Variants in TACC1 observed in about 807,000 individuals in gnomAD.
TACC1 encodes transforming acidic coiled-coil-containing protein 1.
A neutral mutation model predicts 84.4 loss-of-function variants in TACC1; 48 were observed. That is an observed-to-expected ratio of 0.57 (90% CI 0.45 to 0.72). The LOEUF (loss-of-function observed/expected upper bound fraction) is 0.72. Ranked by LOEUF, TACC1 falls within the 30% of genes least tolerant of loss-of-function variation. The probability of loss-of-function intolerance (pLI) is 0.00; values close to 1 mark genes in which losing one functional copy is unlikely to be tolerated. For synonymous variants in TACC1, 372 were observed against 376.3 expected, an observed-to-expected ratio of 0.99 and a Z score of 0.13; for missense variants, 920 against 973.0, an observed-to-expected ratio of 0.95 and a Z score of 0.72.
intron 3 of TACC1, among the ~76,000 whole-genome samples, chr8:38,777,710 G>T (rs1299781393): frequency 6.6e-6 from 1 of 152,198 alleles, no homozygotes; most frequent in African/African-American, 2.4e-5. Flanking sequence ...TGGGAGGATT[G>T]CTAGAGCCCA....
At chr8:38,760,752 C>A (rs1006698184) in intron 3 of TACC1, among the ~76,000 whole-genome samples, 1 of 152,132 alleles carries the variant, frequency 6.6e-6, no homozygotes. Context: ...GAACTCCTGA[C>A]CTCAAATGAT....
chr8:38,755,049 A>G (rs906691850), intron 3 of TACC1, among the ~76,000 whole-genome samples: 1 of 151,532 alleles, frequency 6.6e-6, no homozygotes, highest in African/African-American at 2.4e-5. Flanking sequence ...AGTCACAGCT[A>G]CTCGGGAGGC....
Position 38,820,183 on chromosome 8 carries a change from G to A in TACC1, c.939G>A (p.Ser313=), listed in dbSNP as rs756771305. The A allele has an allele frequency of 1.2e-6, 2 of 1,613,956 alleles. No individual in the cohort carries two copies. Among genetic ancestry groups the A allele is most frequent in the Non-Finnish European group, 1.7e-6 (2 of 1,180,032 alleles). ...CAGGGGTTGAGCTGGGGGAGGAGTC[G>A]AGGAGCTCACCTCTCAAGCTTGAGT... ...NDSGVELGEE[S]RSSPLKLEFD... Residue 313 remains serine, a synonymous_variant, in exon 3 of 13, where the codon TCG becomes TCA. Transcript: ENST00000317827.
upstream of TACC1, among the ~76,000 whole-genome samples, chr8:38,784,880 T>C (rs997840641): frequency 2.6e-4 from 39 of 152,326 alleles, no homozygotes; most frequent in African/African-American, 9.4e-4. Flanking sequence ...ATGTTATATA[T>C]GGTGTGCTAA....
intron 2 of TACC1, among the ~76,000 whole-genome samples, chr8:38,799,483 C>T (rs1270923485): frequency 3.3e-5 from 5 of 152,162 alleles, no homozygotes; most frequent in South Asian, 4.1e-4. Flanking sequence ...ACCTCTTGGC[C>T]GCCTTGGCAT....
chr8:38,733,112 AC>A (rs1255479385), intron 1 of TACC1, among the ~76,000 whole-genome samples: 1 of 152,074 alleles, frequency 6.6e-6, no homozygotes, highest in Non-Finnish European at 1.5e-5. Context: ...TGCCTTCTTC[AC>A]CTTTCTCTCT....
upstream of TACC1, chr8:38,785,793 G>A (rs1817021267): frequency 1.2e-6 from 1 of 824,144 alleles, no homozygotes; most frequent in Non-Finnish European, 1.5e-6. Context: ...TATTTCACAT[G>A]GACCTCCTGC....
intron 1 of TACC1, among the ~76,000 whole-genome samples, chr8:38,741,869 CA>C (rs1157658149): frequency 1.3e-5 from 2 of 152,006 alleles, no homozygotes; most frequent in Non-Finnish European, 2.9e-5. Context: ...GAAATACGGC[CA>C]GGGCATAAAA....
intron 6 of TACC1, among the ~76,000 whole-genome samples, chr8:38,833,621 A>G (rs10808998): frequency 0.35 from 53,582 of 152,084 alleles, 9,500 homozygotes; most frequent in Non-Finnish European, 0.38. Context: ...TGCCTCTTCC[A>G]GACCCCACAT....
chr8:38,778,790 C>T (rs1041642938), intron 3 of TACC1, among the ~76,000 whole-genome samples: 4 of 152,124 alleles, frequency 2.6e-5, no homozygotes, highest in South Asian at 4.1e-4. Flanking sequence ...TGTCATTTCC[C>T]TCATCAACAT....
rs1450099163 is a variant in TACC1, at chr8:38,850,368, T to C, written c.*2345T>C. ...AGAATATACTGGGCAGAATGAAGTA[T>C]GTTTGTTTATTTTTCTTTAAAAATA... On this transcript the variant is annotated 3_prime_UTR_variant, in exon 13 of 13. Transcript: ENST00000317827. 1 of 152,174 alleles carries C rather than the reference T, an allele frequency of 6.6e-6. No homozygotes were observed. The highest frequency in any genetic ancestry group is 1.5e-5 in the Non-Finnish European group (1 of 68,042). The allele number at this position is 152,174 out of a possible 1,614,324, so 9.4% of individuals were successfully genotyped here. A position where few individuals can be genotyped will look rare whatever the true frequency, so the allele number is the denominator to read the frequency against.
chr8:38,733,033 G>A (rs1805263288), intron 1 of TACC1, among the ~76,000 whole-genome samples: 1 of 152,164 alleles, frequency 6.6e-6, no homozygotes, highest in African/African-American at 2.4e-5. Flanking sequence ...GAGATGCACG[G>A]CATAATTGCA....
intron 3 of TACC1, among the ~76,000 whole-genome samples, chr8:38,752,355 C>T (rs796082810): frequency 1.4e-4 from 21 of 152,208 alleles, no homozygotes; most frequent in Middle Eastern, 3.4e-3. Flanking sequence ...CCTGTAGTCG[C>T]AGCTACTCGG....
intron 1 of TACC1, among the ~76,000 whole-genome samples, chr8:38,732,932 T>C (rs1422521981): frequency 1.3e-5 from 2 of 152,222 alleles, no homozygotes; most frequent in Non-Finnish European, 2.9e-5. Flanking sequence ...ACAAGAGTCA[T>C]AACTCTTGCA....
intron 12 of TACC1, among the ~76,000 whole-genome samples, chr8:38,847,573 G>A (rs767573752): frequency 2.6e-5 from 4 of 152,276 alleles, no homozygotes; most frequent in Non-Finnish European, 4.4e-5. Context: ...CCCCTAGAAC[G>A]GTGCTCCCTG....
chr8:38,851,576 C>A lies in TACC1; in HGVS notation c.*3553C>A, dbSNP rs1833090595. The A allele has an allele frequency of 5.2e-6, 1 of 194,030 alleles. No individual in the cohort carries two copies. Among genetic ancestry groups the A allele is most frequent in the African/African-American group, 2.4e-5 (1 of 42,254 alleles). 12.0% of individuals were successfully genotyped at this position (194,030 alleles called of 1,614,324 possible). On this transcript the variant is annotated 3_prime_UTR_variant, in exon 13 of 13. Coordinates refer to ENST00000317827, the MANE Select transcript of TACC1 (RefSeq NM_006283.3). ...TTAGTGGAGTGAAAGTTCTGAAGCC[C>A]CCTTTTAACTTCCTCTTGGTTTTTC...
chr8:38,811,476 A>G (rs1824124030), intron 2 of TACC1, among the ~76,000 whole-genome samples: 1 of 152,262 alleles, frequency 6.6e-6, no homozygotes, highest in South Asian at 2.1e-4. Flanking sequence ...AGGGACTGGA[A>G]GAACATAAAT....
chr8:38,746,729 G>A (rs1008023301), intron 3 of TACC1, among the ~76,000 whole-genome samples: 42 of 152,242 alleles, frequency 2.8e-4, no homozygotes, highest in African/African-American at 1.0e-3. Flanking sequence ...ACATGAAGAA[G>A]TACATTATCA....
chr8:38,835,299 A>C (rs997981129), intron 6 of TACC1, among the ~76,000 whole-genome samples: 1 of 152,022 alleles, frequency 6.6e-6, no homozygotes, highest in Non-Finnish European at 1.5e-5. Context: ...AGGAATAGCC[A>C]GCAAAAACGT....
Sources: gnomAD v4.1 joint callset for allele counts (sites outside exome capture counted in the v4.1 genomes callset) on GRCh38, gnomAD v4.1.1 for gene constraint, MANE v1.5 for transcripts, NCBI Gene and HGNC (gene_info 2026-07-23, HGNC 2026-07-21) for gene names.